Variants in NTRK3 observed in about 807,000 individuals in gnomAD.
NTRK3 encodes the protein neurotrophic receptor tyrosine kinase 3, also known as NT-3 growth factor receptor.
In NTRK3, 24 loss-of-function variants were observed where a neutral mutation model predicts 91.7. That is an observed-to-expected ratio of 0.26 (90% CI 0.19 to 0.37). The LOEUF (loss-of-function observed/expected upper bound fraction) is 0.37, where lower values mean the gene tolerates loss of function less well. Ranked by LOEUF, NTRK3 falls within the 10% of genes least tolerant of loss-of-function variation. The pLI is 1.00. For missense variants in NTRK3, 880 were observed against 1,068.9 expected (o/e 0.82, Z 2.46); for synonymous variants, 483 against 404.0 (o/e 1.20, Z -2.34).
rs199561011 is a variant in NTRK3, at chr15:88,135,129, A to G, written c.1176T>C (p.Asn392=). The stretch of plus-strand genomic sequence containing the variant: ...GAAAGGGCTCCTTGAGGAAGTGGCC[A>G]TTGATGGTCTGGTTGGCTGTGCCCA... Residue 392 remains asparagine (N), a synonymous_variant, in exon 10 of 19, where the codon AAT becomes AAC. Transcript: ENST00000394480. 8 of 1,614,204 alleles carry G rather than the reference A, an allele frequency of 5.0e-6. No homozygotes were observed. The East Asian group carries it at 1.3e-4, about 27-fold the overall frequency.
At chr15:88,250,183 C>T (rs1013057880) in intron 3 of NTRK3, among the ~76,000 whole-genome samples, 57 of 152,176 alleles carry the variant, frequency 3.7e-4, no homozygotes, top group African/African-American at 1.3e-3. Flanking sequence ...GCTGAAAGGG[C>T]CACGCCCAAG....
chr15:88,015,409 CCT>C (rs539527737), intron 14 of NTRK3, among the ~76,000 whole-genome samples: 14 of 152,304 alleles, frequency 9.2e-5, no homozygotes, highest in African/African-American at 2.2e-4. Context: ...AACCCTGCCC[CCT>C]GTCTGCCTCC....
chr15:88,190,789 A>G (rs2047322631), intron 3 of NTRK3, among the ~76,000 whole-genome samples: 1 of 152,200 alleles, frequency 6.6e-6, no homozygotes, highest in Non-Finnish European at 1.5e-5. Context: ...CCATAGCAAA[A>G]CTAGTTGTGG....
intron 3 of NTRK3, among the ~76,000 whole-genome samples, chr15:88,196,718 C>T (rs1295475382): frequency 2.6e-5 from 4 of 152,206 alleles, no homozygotes; most frequent in Non-Finnish European, 5.9e-5. Flanking sequence ...TTCCTTTCCT[C>T]CAGCAATAAA....
intron 13 of NTRK3, among the ~76,000 whole-genome samples, chr15:88,071,137 G>A (rs1219100768): frequency 6.6e-6 from 1 of 152,214 alleles, no homozygotes; most frequent in East Asian, 1.9e-4. Context: ...AGTCATGCAG[G>A]AGGCAGCTCC....
intron 13 of NTRK3, among the ~76,000 whole-genome samples, chr15:88,120,919 A>G (rs1432614688): frequency 6.6e-6 from 1 of 152,218 alleles, no homozygotes; most frequent in Non-Finnish European, 1.5e-5. Flanking sequence ...CAATGGGCAC[A>G]TTAGCCTAAT....
chr15:88,019,574 A>C (rs1470671489), intron 14 of NTRK3, among the ~76,000 whole-genome samples: 2 of 152,230 alleles, frequency 1.3e-5, no homozygotes, highest in Non-Finnish European at 2.9e-5. Context: ...TGAAACAGGA[A>C]AGACTACTTA....
chr15:87,965,969 T>C (rs2072754445), intron 14 of NTRK3, among the ~76,000 whole-genome samples: 1 of 151,852 alleles, frequency 6.6e-6, no homozygotes, highest in Non-Finnish European at 1.5e-5. Flanking sequence ...TCCCAGCTAC[T>C]CGGGAGGCTG....
At chr15:88,135,603 C>T (rs1241199105) in intron 9 of NTRK3, among the ~76,000 whole-genome samples, 1 of 152,186 alleles carries the variant, frequency 6.6e-6, no homozygotes, top group Non-Finnish European at 1.5e-5. Flanking sequence ...AGCTGGAGGG[C>T]TCCCTCTTGG....
Position 88,061,740 on chromosome 15 carries a change from G to A in NTRK3, c.1397-28695C>T, listed in dbSNP as rs139842280. On this transcript the variant is annotated intron_variant, in intron 13 of 18. Coordinates refer to ENST00000394480, the Ensembl canonical transcript of NTRK3. The stretch of plus-strand genomic sequence containing the variant: ...GCTGGTTCCAGGGCCCGGAGGCTCC[G>A]TTCTGGAACCCTTTCTTAGAGTCCC... Among the ~76,000 whole-genome samples the A allele has an allele frequency of 2.5e-4, 38 of 152,334 alleles. No homozygotes were observed. In the East Asian group the frequency reaches 4.6e-3, roughly 19 times the overall value.
intron 13 of NTRK3, among the ~76,000 whole-genome samples, chr15:88,101,788 G>A (rs1597322632): frequency 6.6e-6 from 1 of 152,086 alleles, no homozygotes. Flanking sequence ...AACACCACAT[G>A]TTCTCACTCA....
At chr15:87,869,396 T>G (rs971596388) in exon 19 of NTRK3, 1 of 227,070 alleles carries the variant, frequency 4.4e-6, no homozygotes, top group Non-Finnish European at 8.8e-6. Context: ...TTAATCTAGA[T>G]GTCAACATCG....
exon 19 of NTRK3, chr15:87,874,732 C>T (rs919767224): frequency 4.3e-5 from 10 of 232,312 alleles, no homozygotes; most frequent in Non-Finnish European, 8.5e-5. Context: ...CTGTTCTTAG[C>T]TACCCAGATC....
intron 15 of NTRK3, among the ~76,000 whole-genome samples, chr15:87,937,680 A>G (rs2069425698): frequency 1.3e-5 from 2 of 152,194 alleles, no homozygotes; most frequent in African/African-American, 4.8e-5. Flanking sequence ...CAATTTTATT[A>G]GAATGGCTCA....
chr15:87,927,144 C>T (rs1356922605), intron 17 of NTRK3: 1 of 152,212 alleles, frequency 6.6e-6, no homozygotes, highest in Non-Finnish European at 1.5e-5. Flanking sequence ...TTTTCCATAC[C>T]TGGGAATACT....
chr15:87,941,304 CCA>C (rs1285201441), intron 14 of NTRK3, among the ~76,000 whole-genome samples: 2 of 152,116 alleles, frequency 1.3e-5, no homozygotes, highest in African/African-American at 4.8e-5. Context: ...TTATTTAGCT[CCA>C]GAGCCTCAAC....
At chr15:87,931,499 A>G (rs539258404) in intron 16 of NTRK3, among the ~76,000 whole-genome samples, 1 of 152,366 alleles carries the variant, frequency 6.6e-6, no homozygotes, top group African/African-American at 2.4e-5. Context: ...AACCCCGTGA[A>G]GCAGTTATTA....
At chr15:87,877,171 C>T (rs2141439612) in intron 18 of NTRK3, 51 bp from the exon 20 acceptor site, 1 of 1,593,368 alleles carries the variant, frequency 6.3e-7, no homozygotes, top group Non-Finnish European at 8.6e-7. Context: ...CAGCCTTGGT[C>T]CTGTGGCTCA....
At chr15:87,862,955 A>C (rs1238375238) in exon 19 of NTRK3, 2 of 230,524 alleles carry the variant, frequency 8.7e-6, no homozygotes, top group Non-Finnish European at 1.7e-5. Context: ...ATGCACACTG[A>C]GTCAAACATA....
Sources: gnomAD v4.1 joint callset for allele counts (sites outside exome capture counted in the v4.1 genomes callset) on GRCh38, gnomAD v4.1.1 for gene constraint, MANE v1.5 for transcripts, NCBI Gene and HGNC (gene_info 2026-07-23, HGNC 2026-07-21) for gene names.